Variants in NOMO3 observed in about 807,000 individuals in gnomAD.
NOMO3 encodes the protein NODAL modulator 3.
Under a neutral mutation model 69.9 loss-of-function variants are expected in NOMO3, and 15 were observed. That is an observed-to-expected ratio of 0.21 (90% CI 0.14 to 0.33). The LOEUF is 0.33. Among genes scored for constraint, NOMO3 ranks in the 10% least tolerant of loss-of-function variants. The pLI is 1.00. For missense variants in NOMO3, 218 were observed against 761.0 expected, an observed-to-expected ratio of 0.29 and a Z score of 8.39; for synonymous variants, 89 against 301.9, an observed-to-expected ratio of 0.29 and a Z score of 7.31.
chr16:16,246,559 A>G (rs1269475727), intron 5 of NOMO3, among the ~76,000 whole-genome samples: 6 of 135,188 alleles, frequency 4.4e-5, no homozygotes, highest in African/African-American at 2.0e-4. Context: ...TCTTACCAAT[A>G]CTTGTAGTAA....
intron 1 of NOMO3, among the ~76,000 whole-genome samples, chr16:16,234,795 G>A (rs2049313219): frequency 6.7e-6 from 1 of 149,674 alleles, no homozygotes. Context: ...CTGACATTTT[G>A]TTCTCTAACA....
At chr16:16,250,319 G>GA (rs1351351997) in intron 6 of NOMO3, among the ~76,000 whole-genome samples, 3 of 131,016 alleles carry the variant, frequency 2.3e-5, no homozygotes, top group Non-Finnish European at 4.7e-5. Flanking sequence ...ATTAAAAATA[G>GA]AAAAAAAGGC....
In NOMO3 at chr16:16,263,121, C is replaced by T. The variant is rs755520519; in HGVS notation, c.1443C>T (p.Pro481=). Residue 481 remains proline, a synonymous_variant, in exon 13 of 31, where the codon CCC becomes CCT. Coordinates refer to ENST00000399336, the MANE Select transcript of NOMO3 (RefSeq NM_001004067.4). ...AETRAGLTLK[P]QTFPLTVTDR... The stretch of plus-strand genomic sequence containing the variant: ...CCAGAGCAGGGCTGACGTTGAAACC[C>T]CAGACATTTCCTCTTACTGTGACCG... 1 of 1,592,522 alleles carries T rather than the reference C, an allele frequency of 6.3e-7. No individual in the cohort carries two copies. The highest frequency in any genetic ancestry group is 8.5e-7 in the Non-Finnish European group (1 of 1,176,836).
chr16:16,272,854 A>AT (rs1172629748), intron 18 of NOMO3, among the ~76,000 whole-genome samples: 1 of 152,254 alleles, frequency 6.6e-6, no homozygotes, highest in African/African-American at 2.4e-5. Context: ...TTCTTTTATC[A>AT]TACCATTCCT....
intron 9 of NOMO3, among the ~76,000 whole-genome samples, chr16:16,255,294 C>A (rs1309472554): frequency 7.1e-6 from 1 of 140,576 alleles, no homozygotes; most frequent in Non-Finnish European, 1.5e-5. Flanking sequence ...GAGGTGGAAT[C>A]CACAGGACTG....
intron 18 of NOMO3, among the ~76,000 whole-genome samples, chr16:16,272,887 CA>C (rs1260568668): frequency 1.3e-5 from 2 of 152,094 alleles, no homozygotes; most frequent in Non-Finnish European, 2.9e-5. Context: ...CCAGTGGCTC[CA>C]GGTCGGCACC....
intron 2 of NOMO3, among the ~76,000 whole-genome samples, chr16:16,237,476 C>A (rs2049336090): frequency 6.9e-6 from 1 of 144,478 alleles, no homozygotes; most frequent in Admixed American, 6.7e-5. Context: ...TAAATTTGTA[C>A]CCTTTTCGCT....
chr16:16,265,913 TA>T (rs1253865597), intron 15 of NOMO3, among the ~76,000 whole-genome samples: 1 of 143,316 alleles, frequency 7.0e-6, no homozygotes, highest in Non-Finnish European at 1.5e-5. Flanking sequence ...AGACTGGTCT[TA>T]AAACTCCTGA....
intron 5 of NOMO3, among the ~76,000 whole-genome samples, chr16:16,245,505 A>G (rs71378236): frequency 1.4e-5 from 2 of 143,504 alleles, no homozygotes; most frequent in East Asian, 2.3e-4. Context: ...CCTGGACAAC[A>G]TAGGGAGACT....
In NOMO3 at chr16:16,270,764, A is replaced by G. The variant is rs1456509000; in HGVS notation, c.1990A>G (p.Ile664Val). 1 of 49,982 alleles carries G rather than the reference A, an allele frequency of 2.0e-5. No homozygotes were observed. Among genetic ancestry groups the G allele is most frequent in the African/African-American group, 1.0e-3 (1 of 980 alleles). 3.1% of individuals were successfully genotyped at this position (49,982 alleles called of 1,614,324 possible). A position where few individuals can be genotyped will look rare whatever the true frequency, so the allele number is the denominator to read the frequency against. The change falls in exon 18 of 31, where the codon ATT becomes GTT. Residue 664 changes from isoleucine to valine, a missense_variant. By Grantham distance (29) the Ile-to-Val change is conservative. Transcript: ENST00000399336. ...SSPSILTLTA[I>V]RHHVLGTITT... Reference sequence around the variant, plus strand: ...ACCTAGTATCTTGACATTGACAGCCATTCGCCACCATGTCCTTGGAACTAT... The same window carrying G: ...ACCTAGTATCTTGACATTGACAGCCGTTCGCCACCATGTCCTTGGAACTAT...
intron 11 of NOMO3, among the ~76,000 whole-genome samples, chr16:16,258,864 CAA>C (rs1354381104): frequency 2.8e-5 from 3 of 108,794 alleles, no homozygotes; most frequent in East Asian, 2.9e-4. Context: ...GATTCCGTCT[CAA>C]AAAAAAAAAA....
chr16:16,262,531 TGGAAGCCCTTTC>T (rs2141258424), intron 12 of NOMO3, among the ~76,000 whole-genome samples: 1 of 134,990 alleles, frequency 7.4e-6, no homozygotes, highest in East Asian at 2.6e-4. Flanking sequence ...GACAAGTCTT[TGGAAGCCCTTTC>T]GGAAGCATGA....
chr16:16,238,661 A>G (rs1166429681), intron 2 of NOMO3, among the ~76,000 whole-genome samples: 1 of 143,042 alleles, frequency 7.0e-6, no homozygotes, highest in Non-Finnish European at 1.5e-5. Context: ...ATAACACACC[A>G]GGAAATATTC....
At chr16:16,261,812 AC>A in intron 12 of NOMO3, 136 bp downstream of exon 12, 1 of 1,226,580 alleles carries the variant, frequency 8.2e-7, no homozygotes, top group Non-Finnish European at 1.1e-6. Flanking sequence ...ACAATCCTGC[AC>A]CAGTAGAGGA....
rs2606903 is a variant in NOMO3 at position 16,268,234 on chromosome 16, G to A, written c.1894+1103G>A. ...CAAGTCTTTGTGTCCGTATGTTTTC[G>A]TTTTTCTTGTTTCGATACCTAGGAA... On this transcript the variant is annotated intron_variant, in intron 16 of 30. Coordinates refer to ENST00000399336, the MANE Select transcript of NOMO3 (RefSeq NM_001004067.4). 2.7e-4 allele frequency among the ~76,000 whole-genome samples: 39 copies of A among 144,582 alleles called. 1 individual carries two copies. Among genetic ancestry groups the A allele is most frequent in the Non-Finnish European group, 3.7e-4 (25 of 67,776 alleles). 94.9% of individuals were successfully genotyped at this position (144,582 alleles called of 152,430 possible). A position where few individuals can be genotyped will look rare whatever the true frequency, so the allele number is the denominator to read the frequency against.
intron 16 of NOMO3, among the ~76,000 whole-genome samples, chr16:16,268,507 G>C (rs2049637540): frequency 7.0e-6 from 1 of 143,664 alleles, no homozygotes; most frequent in South Asian, 2.2e-4. Flanking sequence ...TCCTCCGTTT[G>C]GTTCCCAAGA....
intron 11 of NOMO3, among the ~76,000 whole-genome samples, chr16:16,258,680 A>G (rs1317081513): frequency 7.0e-6 from 1 of 143,086 alleles, no homozygotes; most frequent in Non-Finnish European, 1.5e-5. Context: ...CCTGGCCAGC[A>G]TGGTGAAACC....
At position 16,258,843 on chromosome 16, in the gene NOMO3, C is replaced by T. The variant is rs1200909802; in HGVS notation, c.1221-2659C>T. 1.6e-4 allele frequency among the ~76,000 whole-genome samples: 22 copies of T among 137,942 alleles called. 1 individual carries two copies. The highest frequency in any genetic ancestry group is 2.4e-4 in the East Asian group (1 of 4,198). The allele number at this position is 137,942 out of a possible 152,430, so 90.5% of individuals were successfully genotyped here. ...TTGCACCATTGCACTCCAGCCTGGG[C>T]GACAGGGTGAGATTCCGTCTCAAAA... On this transcript the variant is annotated intron_variant, in intron 11 of 30. Transcript: ENST00000399336.
chr16:16,263,292 T>A lies in NOMO3; in HGVS notation c.1537+77T>A. On this transcript the variant is annotated intron_variant, in intron 13 of 30. Coordinates refer to ENST00000399336, the MANE Select transcript of NOMO3 (RefSeq NM_001004067.4). The stretch of plus-strand genomic sequence containing the variant: ...TAGGAGTGGGATTTGGGAAACTTTT[T>A]GTTTTGCCTTTGTTGTTTGCTACTG... The A allele has an allele frequency of 7.5e-6, 12 of 1,594,268 alleles. 2 individuals are homozygous for A. Among genetic ancestry groups the A allele is most frequent in the South Asian group, 6.7e-5 (6 of 89,430 alleles).
Sources: allele counts gnomAD v4.1 joint callset (sites outside exome capture counted in the v4.1 genomes callset), GRCh38; gene constraint gnomAD v4.1.1; transcripts MANE v1.5; gene names NCBI Gene and HGNC (gene_info 2026-07-23, HGNC 2026-07-21).